The following ANTXR1 variants were observed in gnomAD, a reference collection of about 807,000 sequenced individuals.
ANTXR1 encodes the protein anthrax toxin receptor 1.
ANTXR1 carries 19 observed loss-of-function variants against 78.1 expected under a neutral mutation model. The ratio of observed to expected loss-of-function variants is 0.24; its 90% CI spans 0.17 to 0.36. ANTXR1 has a LOEUF of 0.36. ANTXR1 is among the 10% of genes least tolerant of loss of function. The pLI is 1.00. For missense variants in ANTXR1, 518 were observed against 718.6 expected (o/e 0.72, Z 3.19); for synonymous variants, 273 against 260.5 (o/e 1.05, Z -0.46).
chr2:69,090,749 A>G (rs1000205949), intron 8 of ANTXR1, 110 bp from the exon 9 acceptor site: 2 of 1,093,792 alleles, frequency 1.8e-6, no homozygotes, highest in Non-Finnish European at 2.8e-6. Flanking sequence ...ACCGCAACCA[A>G]ATGTCCTTGA....
At chr2:69,204,403 A>C (rs1674846270) in intron 17 of ANTXR1, among the ~76,000 whole-genome samples, 1 of 152,166 alleles carries the variant, frequency 6.6e-6, no homozygotes. Context: ...TTGGACTGGC[A>C]GTTCCTCATA....
rs546170408 is a variant in ANTXR1, at chr2:69,114,335, G to T, written c.803-8682G>T. Among the ~76,000 whole-genome samples, 5 of 152,318 alleles carry T rather than the reference G, an allele frequency of 3.3e-5. No individual in the cohort carries two copies. In the South Asian group the frequency reaches 1.0e-3, roughly 32 times the overall value. ...CATCCTGAGAAGGCAGACCAGCTGT[G>T]CTGACAAACAGTTCTCAATGCTGGT... On this transcript the variant is annotated intron_variant, in intron 10 of 17. Transcript: ENST00000303714.
At chr2:69,117,828 TAAG>T (rs1672199944) in intron 10 of ANTXR1, among the ~76,000 whole-genome samples, 1 of 152,150 alleles carries the variant, frequency 6.6e-6, no homozygotes, top group Non-Finnish European at 1.5e-5. Flanking sequence ...CACACACTAG[TAAG>T]AAAAGGGCTC....
At chr2:69,075,488 G>T in intron 6 of ANTXR1, 102 bp from the exon 7 acceptor site, 1 of 1,109,382 alleles carries the variant, frequency 9.0e-7, no homozygotes. Context: ...CACATGGTAG[G>T]TGCTCATTAA....
At chr2:69,047,610 A>G (rs1482019296) in intron 3 of ANTXR1, among the ~76,000 whole-genome samples, 2 of 151,868 alleles carry the variant, frequency 1.3e-5, no homozygotes, top group Non-Finnish European at 1.5e-5. Flanking sequence ...GTCTGTCACC[A>G]TATTTGGGGA....
At chr2:69,072,502 G>A (rs72897313) in intron 5 of ANTXR1, among the ~76,000 whole-genome samples, 4,827 of 152,274 alleles carry the variant, frequency 0.032, 262 homozygotes, top group African/African-American at 0.11. Flanking sequence ...GTTGATATGA[G>A]AAGCCTAAAA....
intron 17 of ANTXR1, among the ~76,000 whole-genome samples, chr2:69,206,279 CT>C (rs1211829380): frequency 6.6e-6 from 1 of 152,194 alleles, no homozygotes. Flanking sequence ...TAAGTACAAG[CT>C]TTAAATGGGA....
At chr2:69,155,761 A>G (rs1236427090) in intron 13 of ANTXR1, among the ~76,000 whole-genome samples, 4 of 152,180 alleles carry the variant, frequency 2.6e-5, no homozygotes, top group African/African-American at 9.7e-5. Flanking sequence ...CCAAGAGCCA[A>G]TGCCCTGATG....
chr2:69,135,411 T>C (rs1672882312), intron 12 of ANTXR1, among the ~76,000 whole-genome samples: 1 of 152,094 alleles, frequency 6.6e-6, no homozygotes, highest in South Asian at 2.1e-4. Flanking sequence ...AAAATAAATA[T>C]AATGGACCAA....
intron 6 of ANTXR1, among the ~76,000 whole-genome samples, chr2:69,075,274 A>G (rs970078778): frequency 6.6e-6 from 1 of 152,206 alleles, no homozygotes; most frequent in African/African-American, 2.4e-5. Flanking sequence ...AAAATCCATC[A>G]AAGGAATGGA....
chr2:69,226,842 A>T (rs1335307434), intron 17 of ANTXR1, among the ~76,000 whole-genome samples: 1 of 151,870 alleles, frequency 6.6e-6, no homozygotes, highest in Non-Finnish European at 1.5e-5. Context: ...TAACATATAT[A>T]TTTTTTTTCC....
Position 69,123,196 on chromosome 2 carries a change from C to T in ANTXR1, c.872+110C>T, listed in dbSNP as rs1672410430. On this transcript the variant is annotated intron_variant, in intron 11 of 17. Transcript: ENST00000303714. The stretch of plus-strand genomic sequence containing the variant: ...AGAAAGTGGAGCCTTTCTCTAGGTT[C>T]CTCCAGCTTATGACGGAGCCAGTGT... The T allele has an allele frequency of 3.4e-6, 4 of 1,167,144 alleles. No individual in the cohort carries two copies. In the Admixed American group the frequency reaches 6.9e-5, roughly 20 times the overall value. The allele number at this position is 1,167,144 out of a possible 1,614,324, so 72.3% of individuals were successfully genotyped here.
At chr2:69,025,800 G>A (rs895535308) in intron 1 of ANTXR1, among the ~76,000 whole-genome samples, 1 of 152,140 alleles carries the variant, frequency 6.6e-6, no homozygotes, top group Non-Finnish European at 1.5e-5. Context: ...GGACAGGCCT[G>A]GTCTATGCTT....
intron 12 of ANTXR1, among the ~76,000 whole-genome samples, chr2:69,126,460 G>A (rs1471996724): frequency 6.6e-6 from 1 of 152,164 alleles, no homozygotes; most frequent in East Asian, 1.9e-4. Flanking sequence ...GCCTGATCCT[G>A]TTGAAAATTG....
At chr2:69,191,147 G>A (rs948450303) in intron 16 of ANTXR1, among the ~76,000 whole-genome samples, 2 of 152,220 alleles carry the variant, frequency 1.3e-5, no homozygotes, top group African/African-American at 4.8e-5. Context: ...GCACACAGCA[G>A]CAGTTCTATC....
chr2:69,168,298 A>G (rs1446532225), intron 13 of ANTXR1, among the ~76,000 whole-genome samples: 1 of 152,228 alleles, frequency 6.6e-6, no homozygotes, highest in Non-Finnish European at 1.5e-5. Context: ...GATGCTTAAC[A>G]CACATGATCG....
At chr2:69,154,646 A>G (rs907246852) in intron 13 of ANTXR1, among the ~76,000 whole-genome samples, 1 of 151,938 alleles carries the variant, frequency 6.6e-6, no homozygotes, top group African/African-American at 2.4e-5. Context: ...TCCTGCATCT[A>G]CCCCAAGGGT....
intron 12 of ANTXR1, among the ~76,000 whole-genome samples, chr2:69,149,197 C>T (rs984530498): frequency 2.0e-5 from 3 of 152,192 alleles, no homozygotes; most frequent in Non-Finnish European, 4.4e-5. Context: ...CATTTCCACC[C>T]ACCAGGACCC....
At chr2:69,182,894 A>G in intron 16 of ANTXR1, 1 of 575,524 alleles carries the variant, frequency 1.7e-6, no homozygotes, top group East Asian at 3.1e-5. Flanking sequence ...CTTCTGCAGC[A>G]CATATAGTAA....
Sources: allele counts gnomAD v4.1 joint callset (sites outside exome capture counted in the v4.1 genomes callset), GRCh38; gene constraint gnomAD v4.1.1; transcripts MANE v1.5; gene names NCBI Gene and HGNC (gene_info 2026-07-23, HGNC 2026-07-21).